The following TMPRSS6 variants were observed in gnomAD, a reference collection of about 807,000 sequenced individuals.
TMPRSS6 encodes the protein transmembrane serine protease 6.
In TMPRSS6, 67 loss-of-function variants were observed where a neutral mutation model predicts 101.5. The ratio of observed to expected loss-of-function variants is 0.66; its 90% CI spans 0.54 to 0.81. The LOEUF is 0.81. Ranked by LOEUF, TMPRSS6 falls within the 30% of genes least tolerant of loss-of-function variation. The probability of loss-of-function intolerance (pLI) is 0.00; values close to 1 mark genes in which losing one functional copy is unlikely to be tolerated. For missense variants in TMPRSS6, 1,034 were observed against 1,088.7 expected (o/e 0.95, Z 0.71); for synonymous variants, 453 against 464.9 (o/e 0.97, Z 0.33).
At position 37,073,482 on chromosome 22, in the gene TMPRSS6, C is replaced by G. The variant is rs778914736; in HGVS notation, c.1555+50G>C. 4 of 1,312,406 alleles carry G rather than the reference C, an allele frequency of 3.0e-6. No homozygotes were observed. In the South Asian group the frequency reaches 4.7e-5, roughly 15 times the overall value. The allele number at this position is 1,312,406 out of a possible 1,614,324, so 81.3% of individuals were successfully genotyped here. A position where few individuals can be genotyped will look rare whatever the true frequency, so the allele number is the denominator to read the frequency against. On this transcript the variant is annotated intron_variant, in intron 13 of 17. Transcript: ENST00000676104. ...AACTTTTGCTGAAGCATGTAGCAGG[C>G]CTAGACTGCCTTTGGTGTCCCTCCA...
chr22:37,086,335 C>T lies in TMPRSS6; in HGVS notation c.921G>A (p.Leu307=). 1.2e-6 allele frequency: 2 copies of T among 1,614,014 alleles called. No homozygotes were observed. Among genetic ancestry groups the T allele is most frequent in the Non-Finnish European group, 1.7e-6 (2 of 1,179,974 alleles). ...AIMAVVWKKG[L]HSYYDPFVLS... ...GCACGAAGGGGTCGTAGTAGCTGTG[C>T]AGGCCCTTCTTCCAGACGACCGCCA... is the stretch of plus-strand genomic sequence containing the variant. Residue 307 remains leucine (L), a synonymous_variant, in exon 8 of 18, where the codon CTG becomes CTA. Coordinates refer to ENST00000676104, the MANE Select transcript of TMPRSS6 (RefSeq NM_001374504.1).
chr22:37,083,633 C>T lies in TMPRSS6; in HGVS notation c.1196+662G>A, dbSNP rs61143630. On this transcript the variant is annotated intron_variant, in intron 10 of 17. Transcript: ENST00000676104. ...GGTGGCCAGGCCCAGTGGGCACCTA[C>T]TGGCCTCATGCCATAGTGACCCTGG... is the stretch of plus-strand genomic sequence containing the variant. Among the ~76,000 whole-genome samples the T allele has an allele frequency of 9.1e-3, 1,381 of 152,384 alleles. 13 individuals are homozygous for T. The highest frequency in any genetic ancestry group is 0.031 in the African/African-American group (1,305 of 41,588).
At position 37,084,342 on chromosome 22, in the gene TMPRSS6, C is replaced by G. The variant is rs770443733; in HGVS notation, c.1149G>C (p.Lys383Asn). 3 of 1,613,746 alleles carry G rather than the reference C, an allele frequency of 1.9e-6. No homozygotes were observed. Among genetic ancestry groups the G allele is most frequent in the Non-Finnish European group, 2.5e-6 (3 of 1,179,818 alleles). ...GGCCCTGGGTGCACGGCAAATCATA[C>G]TTCTGCCTCCTCAGTGCATAGGCAT... ...WFDAYALRRQ[K>N]YDLPCTQGQW... Residue 383 changes from lysine (K) to asparagine (N), a missense_variant, in exon 10 of 18, where the codon AAG becomes AAC. Physicochemically the swap from Lys to Asn is moderately conservative, Grantham distance 94. Transcript: ENST00000676104.
intron 7 of TMPRSS6, 34 bp downstream of exon 7, chr22:37,089,544 G>GGCCCCCCC: frequency 1.1e-5 from 15 of 1,348,838 alleles, no homozygotes; most frequent in East Asian, 2.4e-5. Context: ...CCCTTTTCCA[G>GGCCCCCCC]CCCTCCCTCC....
At chr22:37,075,054 C>T in intron 11 of TMPRSS6, 81 bp downstream of exon 11, 1 of 1,607,358 alleles carries the variant, frequency 6.2e-7, no homozygotes. Context: ...AAGCAGCTGC[C>T]CACAGCCCCC....
At chr22:37,088,215 C>T (rs1054528035) in intron 7 of TMPRSS6, among the ~76,000 whole-genome samples, 14 of 152,154 alleles carry the variant, frequency 9.2e-5, no homozygotes, top group African/African-American at 2.9e-4. Flanking sequence ...CAGAGCCCTC[C>T]AGAAACTCAG....
intron 16 of TMPRSS6, among the ~76,000 whole-genome samples, chr22:37,067,282 CCAA>C (rs1323187463): frequency 2.0e-5 from 3 of 152,020 alleles, no homozygotes; most frequent in African/African-American, 7.3e-5. Flanking sequence ...ACCAGCTTGA[CCAA>C]CATGGAGAAA....
At chr22:37,099,804 T>A (rs1719245922) in intron 2 of TMPRSS6, among the ~76,000 whole-genome samples, 1 of 151,086 alleles carries the variant, frequency 6.6e-6, no homozygotes, top group South Asian at 2.1e-4. Flanking sequence ...AAAGGCCTGG[T>A]GTGTTTCAGG....
Position 37,103,546 on chromosome 22 carries a change from G to T in TMPRSS6, c.-1-128C>A. The T allele has an allele frequency of 6.2e-7, 1 of 1,613,962 alleles. No homozygotes were observed. Among genetic ancestry groups the T allele is most frequent in the Non-Finnish European group, 8.5e-7 (1 of 1,180,022 alleles). ...AGTGGAAGAGTAACAACATCAGGCG[G>T]CAGTGACTGCAAGTGGGTGCCGAGA... On this transcript the variant is annotated intron_variant, in intron 1 of 17. Transcript: ENST00000676104. This position sits in a 1 kb window ranked among gnomAD's most constrained non-coding sequence, Gnocchi z 4.4.
rs1343779737 is a variant in TMPRSS6 at position 37,096,651 on chromosome 22, A to G, written c.401T>C (p.Phe134Ser). The G allele has an allele frequency of 1.9e-6, 3 of 1,562,596 alleles. No individual in the cohort carries two copies. Among genetic ancestry groups the G allele is most frequent in the Non-Finnish European group, 2.6e-6 (3 of 1,152,478 alleles). ...TYYNSSSVYSFGEGPLTCFFW... is the reference protein window; with the variant it reads ...TYYNSSSVYSSGEGPLTCFFW... ...GTCAGGGGCAAGGACAACTCACCCA[A>G]AGGAATAGACGGAGCTGGAGTTGTA... Residue 134 changes from phenylalanine to serine, a missense_variant, in exon 4 of 18, where the codon TTT becomes TCT. Phe to Ser is a radical substitution (Grantham distance 155). Transcript: ENST00000676104.
chr22:37,085,719 A>C (rs1338785025), intron 8 of TMPRSS6, among the ~76,000 whole-genome samples: 1 of 152,048 alleles, frequency 6.6e-6, no homozygotes, highest in Non-Finnish European at 1.5e-5. Context: ...GGGGCTGGGA[A>C]GGCAGTGGGA....
At chr22:37,070,253 G>A (rs1351597481) in intron 15 of TMPRSS6, among the ~76,000 whole-genome samples, 2 of 152,130 alleles carry the variant, frequency 1.3e-5, no homozygotes, top group African/African-American at 4.8e-5. Context: ...TGAATTACTG[G>A]CCCAACTTAA....
chr22:37,084,945 G>T, intron 8 of TMPRSS6, 106 bp from the exon 9 acceptor site: 1 of 826,178 alleles, frequency 1.2e-6, no homozygotes, highest in South Asian at 1.4e-5. Flanking sequence ...CCAGCAAATT[G>T]CTGTGGTTGA....
At chr22:37,084,880 TG>T (rs1928590797) in intron 8 of TMPRSS6, 41 bp from the exon 9 acceptor site, 2 of 1,494,270 alleles carry the variant, frequency 1.3e-6, no homozygotes, top group Non-Finnish European at 1.8e-6. Flanking sequence ...GTCCCCTGGC[TG>T]CACCTCCCAG....
intron 10 of TMPRSS6, among the ~76,000 whole-genome samples, chr22:37,076,898 C>T (rs1301018146): frequency 6.6e-6 from 1 of 152,206 alleles, no homozygotes; most frequent in Non-Finnish European, 1.5e-5. Context: ...CAGGAATGCC[C>T]CTGAAGGCCA....
At chr22:37,094,493 G>A (rs1308945040) in intron 6 of TMPRSS6, among the ~76,000 whole-genome samples, 1 of 151,766 alleles carries the variant, frequency 6.6e-6, no homozygotes, top group Non-Finnish European at 1.5e-5. Context: ...ATAATAGACA[G>A]CTAGCTAGTT....
At position 37,084,712 on chromosome 22, in the gene TMPRSS6, A is replaced by G; in HGVS notation, c.1086+15T>C. On this transcript the variant is annotated intron_variant, in intron 9 of 17. Transcript: ENST00000676104. ...TGCGGCAGAGGGCAGGTGGGCAGGCAGGGTGGGGTCTCACCGTGAGGTGCC... is the reference window on the plus strand; with the variant it reads ...TGCGGCAGAGGGCAGGTGGGCAGGCGGGGTGGGGTCTCACCGTGAGGTGCC... 6.5e-7 allele frequency: 1 copy of G among 1,550,154 alleles called. No individual in the cohort carries two copies. Among genetic ancestry groups the G allele is most frequent in the Non-Finnish European group, 8.7e-7 (1 of 1,144,916 alleles).
rs1200599370 is a variant in TMPRSS6 at position 37,103,409 on chromosome 22, C to T, written c.9G>A (p.Val3=). The T allele has an allele frequency of 1.2e-6, 2 of 1,614,116 alleles. No homozygotes were observed. Among genetic ancestry groups the T allele is most frequent in the East Asian group, 2.2e-5 (1 of 44,892 alleles). Reference sequence around the variant, plus strand: ...CGCCAGCCACCTGGGGGGCCTCGGCCACGGGCATCCTGCCAGGGAAACAGA... The same window carrying T: ...CGCCAGCCACCTGGGGGGCCTCGGCTACGGGCATCCTGCCAGGGAAACAGA... MP[V]AEAPQVAGGQ... Residue 3 remains valine (V), a synonymous_variant, in exon 2 of 18, where the codon GTG becomes GTA. Coordinates refer to ENST00000676104, the MANE Select transcript of TMPRSS6 (RefSeq NM_001374504.1). This position sits in a 1 kb window ranked among gnomAD's most constrained non-coding sequence, Gnocchi z 4.4.
chr22:37,091,465 G>A (rs189077469), intron 6 of TMPRSS6, among the ~76,000 whole-genome samples: 2 of 152,164 alleles, frequency 1.3e-5, no homozygotes, highest in African/African-American at 4.8e-5. Flanking sequence ...GGAGGGAACT[G>A]GAGAGAAGGA....
Sources: gnomAD v4.1 joint callset for allele counts (sites outside exome capture counted in the v4.1 genomes callset) on GRCh38, gnomAD v4.1.1 for gene constraint, Gnocchi (gnomAD v3.1) non-coding constraint, MANE v1.5 for transcripts, NCBI Gene and HGNC (gene_info 2026-07-23, HGNC 2026-07-21) for gene names.